The following KLKB1 variants were observed in gnomAD, a reference collection of about 807,000 sequenced individuals.
The protein encoded by KLKB1 is kallikrein B1, also known as plasma kallikrein.
Under a neutral mutation model 73.6 loss-of-function variants are expected in KLKB1, and 58 were observed. That is an observed-to-expected ratio of 0.79 (90% CI 0.64 to 0.98). The LOEUF (loss-of-function observed/expected upper bound fraction) is 0.98, where lower values mean the gene tolerates loss of function less well. Ranked by LOEUF, KLKB1 falls within the 50% of genes least tolerant of loss-of-function variation. The probability of loss-of-function intolerance (pLI) is 0.00; values close to 1 mark genes in which losing one functional copy is unlikely to be tolerated. For synonymous variants in KLKB1, 280 were observed against 258.1 expected (o/e 1.08, Z -0.81); for missense variants, 737 against 763.8 (o/e 0.96, Z 0.41).
chr4:186,258,277 G>T lies in KLKB1; in HGVS notation c.*65G>T, dbSNP rs115755099. ...TCAAGTCAAATTCTGAGCCTGGGGGGTCCTCATCTGCAAAGCATGGAGAGT... is the reference window on the plus strand; with the variant it reads ...TCAAGTCAAATTCTGAGCCTGGGGGTTCCTCATCTGCAAAGCATGGAGAGT... On this transcript the variant is annotated 3_prime_UTR_variant, in exon 15 of 15. Coordinates refer to ENST00000264690, the MANE Select transcript of KLKB1 (RefSeq NM_000892.5). 2.5e-3 allele frequency: 3,274 copies of T among 1,335,162 alleles called. 64 individuals carry two copies. In the African/African-American group the frequency reaches 0.041, roughly 17 times the overall value. 82.7% of individuals were successfully genotyped at this position (1,335,162 alleles called of 1,614,324 possible).
At chr4:186,248,014 G>A (rs1002652311) in intron 6 of KLKB1, among the ~76,000 whole-genome samples, 1 of 152,160 alleles carries the variant, frequency 6.6e-6, no homozygotes, top group African/African-American at 2.4e-5. Context: ...TTGGGAGGCC[G>A]AGGCGGGCGG....
chr4:186,222,102 T>C (rs1737045801), upstream of KLKB1, among the ~76,000 whole-genome samples: 1 of 152,222 alleles, frequency 6.6e-6, no homozygotes, highest in Non-Finnish European at 1.5e-5. Context: ...TTGGTTATCA[T>C]GTGAATGCAA....
upstream of KLKB1, among the ~76,000 whole-genome samples, chr4:186,225,924 A>G (rs1737154150): frequency 6.6e-6 from 1 of 152,060 alleles, no homozygotes. Flanking sequence ...ACAGTGTCCT[A>G]TAAGTCTTGT....
chr4:186,244,743 G>C (rs1187226802), intron 6 of KLKB1, among the ~76,000 whole-genome samples: 2 of 152,150 alleles, frequency 1.3e-5, no homozygotes, highest in African/African-American at 4.8e-5. Context: ...TCCGGTTTTT[G>C]GACAGGTAAA....
Position 186,238,335 on chromosome 4 carries a change from T to C in KLKB1, c.568T>C (p.Ser190Pro). 1.2e-6 allele frequency: 2 copies of C among 1,613,622 alleles called. No individual in the cohort carries two copies. The highest frequency in any genetic ancestry group is 1.1e-5 in the South Asian group (1 of 91,070). ...GCTGAGTAACGTGGAATCTGGATTC[T>C]CACTGAAGCCCTGTGCCCTTTCAGA... is the stretch of plus-strand genomic sequence containing the variant. ...KVLSNVESGF[S>P]LKPCALSEIG... Residue 190 changes from serine to proline, a missense_variant, in exon 6 of 15, where the codon TCA becomes CCA. Physicochemically the swap from Ser to Pro is moderately conservative, Grantham distance 74. Transcript: ENST00000264690.
At chr4:186,211,776 C>A (rs1736731849) in intron 2 of KLKB1, 1 of 151,758 alleles carries the variant, frequency 6.6e-6, no homozygotes, top group South Asian at 2.1e-4. Context: ...TTAGTGGGAC[C>A]AGTTATGACA....
intron 2 of KLKB1, among the ~76,000 whole-genome samples, chr4:186,221,050 T>C (rs1350348150): frequency 1.3e-5 from 2 of 152,174 alleles, no homozygotes; most frequent in Non-Finnish European, 2.9e-5. Flanking sequence ...TGTATGTTCC[T>C]AGGAATTTAT....
intron 2 of KLKB1, chr4:186,213,334 A>G (rs920871227): frequency 1.3e-5 from 2 of 152,210 alleles, no homozygotes; most frequent in African/African-American, 2.4e-5. Flanking sequence ...AATAAATTCT[A>G]TTTTAGATGC....
intron 11 of KLKB1, among the ~76,000 whole-genome samples, 167 bp downstream of exon 11, chr4:186,252,352 C>G (rs1738728408): frequency 6.6e-6 from 1 of 152,198 alleles, no homozygotes; most frequent in Non-Finnish European, 1.5e-5. Context: ...ACCAACCTGA[C>G]CATTAGAACA....
chr4:186,242,575 A>C (rs1738113149), intron 6 of KLKB1, among the ~76,000 whole-genome samples: 2 of 152,268 alleles, frequency 1.3e-5, no homozygotes, highest in Middle Eastern at 3.4e-3. Flanking sequence ...GATGGCCTGG[A>C]TATGGTTTTG....
intron 6 of KLKB1, among the ~76,000 whole-genome samples, chr4:186,245,966 A>G (rs1738324018): frequency 6.6e-6 from 1 of 151,814 alleles, no homozygotes. Flanking sequence ...TGGGTTTTTC[A>G]TATTTGATGA....
In KLKB1 at chr4:186,215,558, CATTT is replaced by C. The variant is rs1313226492; in HGVS notation, c.201+6309_201+6312del. On this transcript the variant is annotated intron_variant, in intron 2 of 14. Coordinates refer to the KLKB1 transcript ENST00000511608. Reference sequence around the variant, plus strand: ...CTTATGGAAATACAGTAAATTAAGACATTTATTTATTTATTTATTTATTTATCTA... The same window carrying C: ...CTTATGGAAATACAGTAAATTAAGACATTTATTTATTTATTTATTTATCTA... Among the ~76,000 whole-genome samples, 509 of 151,756 alleles carry C rather than the reference CATTT, an allele frequency of 3.4e-3. 1 individual carries two copies. The highest frequency in any genetic ancestry group is 0.011 in the African/African-American group (471 of 41,352).
intron 2 of KLKB1, among the ~76,000 whole-genome samples, chr4:186,216,523 A>G (rs1227735961): frequency 6.6e-6 from 1 of 152,146 alleles, no homozygotes; most frequent in East Asian, 1.9e-4. Context: ...TGAGGAGATG[A>G]TGTTTGAGCA....
chr4:186,212,874 G>C (rs1369548841), intron 2 of KLKB1: 2 of 152,122 alleles, frequency 1.3e-5, no homozygotes, highest in African/African-American at 4.8e-5. Context: ...GCCCTAAGTT[G>C]ATGAAGAAAA....
At position 186,256,997 on chromosome 4, in the gene KLKB1, CTCTGTG is replaced by C. The variant is rs1290183606; in HGVS notation, c.1586-227_1586-222del. ...CCTCTTCCTCTCTCTGTCTCTCTCT[CTCTGTG>C]TGTGTGTGTGTGTGTGTGTGTAACA... is the stretch of plus-strand genomic sequence containing the variant. On this transcript the variant is annotated intron_variant, in intron 13 of 14. Transcript: ENST00000264690. Among the ~76,000 whole-genome samples the C allele has an allele frequency of 6.6e-4, 98 of 148,344 alleles. 1 individual carries two copies. The highest frequency in any genetic ancestry group is 1.0e-3 in the Admixed American group (15 of 14,900).
At chr4:186,227,782 A>G (rs886302668) in intron 1 of KLKB1, among the ~76,000 whole-genome samples, 195 bp downstream of exon 1, 1 of 152,218 alleles carries the variant, frequency 6.6e-6, no homozygotes, top group Non-Finnish European at 1.5e-5. Context: ...ATTGATTTAA[A>G]ATTTTTAAAT....
At chr4:186,254,972 T>C (rs979591314) in intron 12 of KLKB1, among the ~76,000 whole-genome samples, 1 of 152,178 alleles carries the variant, frequency 6.6e-6, no homozygotes, top group Non-Finnish European at 1.5e-5. Flanking sequence ...GAATTAATTC[T>C]TTCAGGGAGG....
intron 12 of KLKB1, among the ~76,000 whole-genome samples, chr4:186,255,706 T>G (rs1374506044): frequency 1.3e-5 from 2 of 152,210 alleles, no homozygotes; most frequent in Non-Finnish European, 2.9e-5. Flanking sequence ...TTAAGGATAG[T>G]ATACATGGAA....
At chr4:186,236,226 T>C (rs972091030) in intron 4 of KLKB1, among the ~76,000 whole-genome samples, 1 of 152,020 alleles carries the variant, frequency 6.6e-6, no homozygotes, top group African/African-American at 2.4e-5. Context: ...TAAATAGAAG[T>C]TAACACTATT....
Sources: gnomAD v4.1 joint callset for allele counts (sites outside exome capture counted in the v4.1 genomes callset) on GRCh38, gnomAD v4.1.1 for gene constraint, MANE v1.5 for transcripts, NCBI Gene and HGNC (gene_info 2026-07-23, HGNC 2026-07-21) for gene names.